UNC5B: variants seen among roughly 807,000 people sequenced by gnomAD.
UNC5B encodes the protein netrin receptor UNC5B.
UNC5B carries 56 observed loss-of-function variants against 103.7 expected under a neutral mutation model. That is an observed-to-expected ratio of 0.54 (90% confidence interval 0.44 to 0.67). UNC5B has a LOEUF of 0.67. Ranked by LOEUF, UNC5B falls within the 30% of genes least tolerant of loss-of-function variation. UNC5B has a pLI of 0.00. For synonymous variants in UNC5B, 577 were observed against 542.0 expected, an observed-to-expected ratio of 1.06 and a Z score of -0.90; for missense variants, 1,194 against 1,284.5, an observed-to-expected ratio of 0.93 and a Z score of 1.08.
intron 1 of UNC5B, among the ~76,000 whole-genome samples, chr10:71,224,878 A>C (rs563984564): frequency 2.8e-4 from 43 of 152,356 alleles, no homozygotes; most frequent in African/African-American, 9.9e-4. Context: ...CATATTAGAC[A>C]TAAGGTACAG....
chr10:71,243,187 A>G (rs924510401), intron 1 of UNC5B, among the ~76,000 whole-genome samples: 2 of 152,132 alleles, frequency 1.3e-5, no homozygotes, highest in African/African-American at 4.8e-5. Context: ...GTGAACTCAG[A>G]TCTCATCACG....
chr10:71,246,979 G>A (rs762634010), intron 1 of UNC5B, among the ~76,000 whole-genome samples: 3 of 152,122 alleles, frequency 2.0e-5, no homozygotes, highest in East Asian at 1.9e-4. Context: ...CCCTGAAGCC[G>A]TCCAGGACCT....
At chr10:71,262,777 G>T (rs1214280518) in intron 1 of UNC5B, among the ~76,000 whole-genome samples, 3 of 152,134 alleles carry the variant, frequency 2.0e-5, no homozygotes, top group African/African-American at 7.2e-5. Flanking sequence ...GCCTCACTTG[G>T]CACAGCAGGG....
chr10:71,294,511 T>C (rs1027581517), intron 13 of UNC5B, among the ~76,000 whole-genome samples: 5 of 151,560 alleles, frequency 3.3e-5, no homozygotes, highest in African/African-American at 1.2e-4. Flanking sequence ...CTTGGGTGGG[T>C]AGATGAGAGG....
intron 1 of UNC5B, 73 bp from the exon 2 acceptor site, chr10:71,279,748 C>T: frequency 6.6e-7 from 1 of 1,506,278 alleles, no homozygotes; most frequent in South Asian, 1.2e-5. Context: ...GCGGTGGGCC[C>T]CCGGGGTGGG....
chr10:71,259,645 A>C (rs1055330265), intron 1 of UNC5B, among the ~76,000 whole-genome samples: 1 of 152,170 alleles, frequency 6.6e-6, no homozygotes. Flanking sequence ...TGCTTGATAC[A>C]TTCACATACA....
chr10:71,234,697 G>A (rs1843742376), intron 1 of UNC5B, among the ~76,000 whole-genome samples: 1 of 152,208 alleles, frequency 6.6e-6, no homozygotes, highest in African/African-American at 2.4e-5. Flanking sequence ...CATTCTACAG[G>A]TGAGAGCACC....
At position 71,291,759 on chromosome 10, in the gene UNC5B, C is replaced by T. The variant is rs779603754; in HGVS notation, c.1622C>T (p.Pro541Leu). 17 of 1,609,676 alleles carry T rather than the reference C, an allele frequency of 1.1e-5. No individual in the cohort carries two copies. The highest frequency in any genetic ancestry group is 1.7e-5 in the Admixed American group (1 of 59,974). The change falls in exon 10 of 17, where the codon CCA becomes CTA. Residue 541 changes from proline to leucine, a missense_variant. By Grantham distance (98) the Pro-to-Leu change is moderately conservative. Coordinates refer to ENST00000335350, the MANE Select transcript of UNC5B (RefSeq NM_170744.5). ...SQQLLGLPRDPGSSVSGTFGC... is the reference protein window; with the variant it reads ...SQQLLGLPRDLGSSVSGTFGC... ...CAGCTCTTGGGCCTGCCCCGAGACCCAGGGAGCAGCGTCAGCGGCACCTTT... is the reference window on the plus strand; with the variant it reads ...CAGCTCTTGGGCCTGCCCCGAGACCTAGGGAGCAGCGTCAGCGGCACCTTT...
chr10:71,235,654 G>T (rs1316368798), intron 1 of UNC5B, among the ~76,000 whole-genome samples: 1 of 152,194 alleles, frequency 6.6e-6, no homozygotes, highest in Non-Finnish European at 1.5e-5. Context: ...GGGGTCCTAG[G>T]GGGTTCCCGG....
chr10:71,263,276 C>T (rs1844450852), intron 1 of UNC5B, among the ~76,000 whole-genome samples: 2 of 152,214 alleles, frequency 1.3e-5, no homozygotes, highest in Admixed American at 1.3e-4. Flanking sequence ...CTAGTCACAC[C>T]CTCTGTGGGC....
chr10:71,291,574 C>G lies in UNC5B; in HGVS notation c.1437C>G (p.Ser479Arg). ...TNSPLLDPLPSLKVKVYSSST... is the reference protein window; with the variant it reads ...TNSPLLDPLPRLKVKVYSSST... ...CTCCTCTGCTGGACCCCTTACCCAG[C>G]CTTAAGGTCAAGGTCTACAGCTCCA... The change falls in exon 10 of 17, where the codon AGC becomes AGG. Residue 479 changes from serine to arginine, a missense_variant. Physicochemically the swap from Ser to Arg is moderately radical, Grantham distance 110. Coordinates refer to ENST00000335350, the MANE Select transcript of UNC5B (RefSeq NM_170744.5). 3.1e-6 allele frequency: 5 copies of G among 1,614,166 alleles called. No homozygotes were observed. The highest frequency in any genetic ancestry group is 4.2e-6 in the Non-Finnish European group (5 of 1,180,038).
intron 13 of UNC5B, 56 bp downstream of exon 13, chr10:71,293,989 G>C (rs548986057): frequency 6.8e-7 from 1 of 1,468,680 alleles, no homozygotes; most frequent in East Asian, 2.5e-5. Flanking sequence ...CATGATCCCT[G>C]CCAGAATCCC....
At chr10:71,233,169 T>C (rs1843714807) in intron 1 of UNC5B, among the ~76,000 whole-genome samples, 1 of 152,148 alleles carries the variant, frequency 6.6e-6, no homozygotes, top group South Asian at 2.1e-4. Context: ...CAGACCTCAA[T>C]TTTCCCAAAG....
chr10:71,241,514 T>C (rs1421015022), intron 1 of UNC5B, among the ~76,000 whole-genome samples: 2 of 152,186 alleles, frequency 1.3e-5, no homozygotes, highest in Non-Finnish European at 2.9e-5. Context: ...CCAGAGGCCC[T>C]GGTGAACACA....
intron 1 of UNC5B, among the ~76,000 whole-genome samples, chr10:71,227,695 TATAC>T (rs1843599156): frequency 5.5e-5 from 7 of 126,612 alleles, no homozygotes; most frequent in East Asian, 2.1e-4. Context: ...TACACATATA[TATAC>T]ACACATATAC....
In UNC5B at chr10:71,263,917, C is replaced by A. The variant is rs184691473; in HGVS notation, c.80-15904C>A. 2.6e-5 allele frequency among the ~76,000 whole-genome samples: 4 copies of A among 152,296 alleles called. No homozygotes were observed. In the East Asian group the frequency reaches 7.7e-4, roughly 29 times the overall value. On this transcript the variant is annotated intron_variant, in intron 1 of 16. Transcript: ENST00000335350. ...CACCAAGCATTGGTGGCTGACACAG[C>A]TTCTGGTTGCCCCATTTGAGACATT...
At chr10:71,280,546 C>A (rs1404955265) in intron 2 of UNC5B, among the ~76,000 whole-genome samples, 1 of 152,224 alleles carries the variant, frequency 6.6e-6, no homozygotes, top group African/African-American at 2.4e-5. Flanking sequence ...AAGTAAATAA[C>A]CATCCAAGTG....
At chr10:71,246,546 A>G (rs1844042567) in intron 1 of UNC5B, among the ~76,000 whole-genome samples, 1 of 152,128 alleles carries the variant, frequency 6.6e-6, no homozygotes, top group Non-Finnish European at 1.5e-5. Flanking sequence ...ATCAGTGGGT[A>G]CAGGATTGGT....
chr10:71,218,537 G>C (rs915419395), intron 1 of UNC5B, among the ~76,000 whole-genome samples: 2 of 152,250 alleles, frequency 1.3e-5, no homozygotes, highest in African/African-American at 4.8e-5. Context: ...GAAGGGCAGA[G>C]GACAGCTTCC....
Sources: allele counts gnomAD v4.1 joint callset (sites outside exome capture counted in the v4.1 genomes callset), GRCh38; gene constraint gnomAD v4.1.1; transcripts MANE v1.5; gene names NCBI Gene and HGNC (gene_info 2026-07-23, HGNC 2026-07-21).